Variants in TYW1B observed in about 807,000 individuals in gnomAD.
TYW1B encodes S-adenosyl-L-methionine-dependent tRNA 4-demethylwyosine synthase TYW1B.
In TYW1B, 73 loss-of-function variants were observed where a neutral mutation model predicts 86.9. The ratio of observed to expected loss-of-function variants is 0.84; its 90% confidence interval spans 0.70 to 1.02. The LOEUF is 1.02. Among genes scored for constraint, TYW1B ranks in the 50% least tolerant of loss-of-function variants. TYW1B has a pLI of 0.00. For missense variants in TYW1B, 637 were observed against 827.4 expected, an observed-to-expected ratio of 0.77 and a Z score of 2.82; for synonymous variants, 248 against 292.8, an observed-to-expected ratio of 0.85 and a Z score of 1.56.
intron 11 of TYW1B, among the ~76,000 whole-genome samples, chr7:72,680,653 A>C (rs570705620): frequency 6.6e-6 from 1 of 152,296 alleles, no homozygotes; most frequent in Non-Finnish European, 1.5e-5. Context: ...ACTCCCCTTC[A>C]TATGTACATC....
chr7:72,720,802 GGTTT>G (rs1330081634), intron 9 of TYW1B, among the ~76,000 whole-genome samples: 22 of 152,066 alleles, frequency 1.4e-4, no homozygotes, highest in African/African-American at 5.1e-4. Flanking sequence ...GCAATGTGCA[GGTTT>G]GTTACATATG....
intron 7 of TYW1B, among the ~76,000 whole-genome samples, chr7:72,745,886 G>A (rs1432819546): frequency 1.4e-5 from 2 of 142,614 alleles, no homozygotes; most frequent in Non-Finnish European, 3.0e-5. Context: ...GTGTGTGTGT[G>A]TGTAGTCTCA....
chr7:72,642,107 C>G (rs1188301670), intron 11 of TYW1B, among the ~76,000 whole-genome samples: 2 of 152,150 alleles, frequency 1.3e-5, no homozygotes, highest in African/African-American at 4.8e-5. Flanking sequence ...GACAAGGGTA[C>G]AAAGACAATT....
At chr7:72,642,569 T>C (rs1259980000) in intron 11 of TYW1B, among the ~76,000 whole-genome samples, 1 of 152,142 alleles carries the variant, frequency 6.6e-6, no homozygotes, top group African/African-American at 2.4e-5. Flanking sequence ...AAAGAAAATA[T>C]AGTACATATC....
rs1156275437 is a variant in TYW1B at position 72,642,938 on chromosome 7, G to C, written c.1507-13941C>G. Among the ~76,000 whole-genome samples, 6 of 152,190 alleles carry C rather than the reference G, an allele frequency of 3.9e-5. No homozygotes were observed. The South Asian group carries it at 1.2e-3, about 32-fold the overall frequency. ...GAAGTTCTGATTCATGCTATAACAC[G>C]CGCTAACTTGGAAAACATTATACTA... On this transcript the variant is annotated intron_variant, in intron 11 of 13. Transcript: ENST00000620995.
intron 8 of TYW1B, among the ~76,000 whole-genome samples, chr7:72,738,554 C>G (rs1299599148): frequency 5.3e-5 from 8 of 152,116 alleles, no homozygotes; most frequent in African/African-American, 1.9e-4. Context: ...TTAGCAACAT[C>G]CCCAGCCTCT....
chr7:72,692,837 A>C (rs34255758), intron 11 of TYW1B, among the ~76,000 whole-genome samples: 1 of 152,148 alleles, frequency 6.6e-6, no homozygotes, highest in African/African-American at 2.4e-5. Context: ...AAGGGAGAAG[A>C]TGGTGGGCAC....
chr7:72,639,782 C>A (rs1554441268), intron 11 of TYW1B, among the ~76,000 whole-genome samples: 2 of 151,232 alleles, frequency 1.3e-5, no homozygotes, highest in Non-Finnish European at 2.9e-5. Context: ...AGGAGAATCA[C>A]TTGAACTCAG....
chr7:72,813,257 C>G (rs1788658725), intron 3 of TYW1B, among the ~76,000 whole-genome samples: 1 of 150,976 alleles, frequency 6.6e-6, no homozygotes, highest in Non-Finnish European at 1.5e-5. Context: ...CTCACTGCGA[C>G]CTCCACCTCC....
At chr7:72,745,073 G>T (rs1787371959) in intron 7 of TYW1B, among the ~76,000 whole-genome samples, 1 of 152,224 alleles carries the variant, frequency 6.6e-6, no homozygotes, top group South Asian at 2.1e-4. Flanking sequence ...TCCTCAGGCT[G>T]CAGTGCAGTG....
At chr7:72,741,525 T>C (rs1237193641) in intron 8 of TYW1B, among the ~76,000 whole-genome samples, 1 of 152,086 alleles carries the variant, frequency 6.6e-6, no homozygotes, top group Non-Finnish European at 1.5e-5. Flanking sequence ...AACATATGCA[T>C]AATAAAAGTT....
chr7:72,747,938 T>A (rs1787423849), intron 7 of TYW1B, among the ~76,000 whole-genome samples: 1 of 152,214 alleles, frequency 6.6e-6, no homozygotes, highest in Non-Finnish European at 1.5e-5. Context: ...TGACTGTAAA[T>A]GAAATTTTTA....
At chr7:72,798,023 ACACACACACACACACG>A (rs1788337141) in intron 6 of TYW1B, among the ~76,000 whole-genome samples, 1 of 109,716 alleles carries the variant, frequency 9.1e-6, no homozygotes, top group East Asian at 2.2e-4. Context: ...ACACACACAC[ACACACACACACACACG>A]CACACACATA....
chr7:72,627,854 T>C (rs1412825499), intron 12 of TYW1B, among the ~76,000 whole-genome samples: 1 of 152,044 alleles, frequency 6.6e-6, no homozygotes, highest in Non-Finnish European at 1.5e-5. Flanking sequence ...AATATAAACA[T>C]AGGGCATCAG....
chr7:72,809,067 G>C (rs576058978), intron 4 of TYW1B, among the ~76,000 whole-genome samples: 3 of 146,102 alleles, frequency 2.1e-5, no homozygotes, highest in Non-Finnish European at 4.5e-5. Flanking sequence ...TTTTGAGATG[G>C]AGTCTCACTC....
chr7:72,807,617 G>A (rs1310271049), intron 4 of TYW1B, among the ~76,000 whole-genome samples: 7 of 151,996 alleles, frequency 4.6e-5, no homozygotes, highest in Non-Finnish European at 7.4e-5. Flanking sequence ...ATCAAATGAA[G>A]GGTTAATGAC....
rs1814515396 is a variant in TYW1B, at chr7:72,703,011, TA to T, written c.1371-8190del. 5.3e-3 allele frequency among the ~76,000 whole-genome samples: 172 copies of T among 32,228 alleles called. 5 individuals carry two copies. Among genetic ancestry groups the T allele is most frequent in the African/African-American group, 6.9e-3 (70 of 10,146 alleles). 21.1% of individuals were successfully genotyped at this position (32,228 alleles called of 152,430 possible). ...CTATATATATATATATATATATATA[TA>T]TATATATATATATATTTTTTTTTTT... On this transcript the variant is annotated intron_variant, in intron 10 of 13. Coordinates refer to ENST00000620995, the MANE Select transcript of TYW1B (RefSeq NM_001145440.3).
At chr7:72,744,222 A>G (rs1585948481) in intron 8 of TYW1B, among the ~76,000 whole-genome samples, 2 of 152,198 alleles carry the variant, frequency 1.3e-5, no homozygotes, top group African/African-American at 4.8e-5. Flanking sequence ...GATAATCACT[A>G]TAAATAAGAC....
Position 72,828,181 on chromosome 7 carries a change from C to T in TYW1B, c.-106G>A, listed in dbSNP as rs1170026200. The stretch of plus-strand genomic sequence containing the variant: ...GCTACCTCGCGGCGTTAGCGCCGTA[C>T]CGAGTGGCTGCAGAACTGTGGGCAG... On this transcript the variant is annotated 5_prime_UTR_variant, in exon 1 of 14. Coordinates refer to ENST00000620995, the MANE Select transcript of TYW1B (RefSeq NM_001145440.3). The T allele has an allele frequency of 4.5e-6, 7 of 1,571,944 alleles. No individual in the cohort carries two copies. Among genetic ancestry groups the T allele is most frequent in the Admixed American group, 3.8e-5 (2 of 53,308 alleles).
Sources: gnomAD v4.1 joint callset for allele counts (sites outside exome capture counted in the v4.1 genomes callset) on GRCh38, gnomAD v4.1.1 for gene constraint, MANE v1.5 for transcripts, NCBI Gene and HGNC (gene_info 2026-07-23, HGNC 2026-07-21) for gene names.